Variants in DCC observed in about 807,000 individuals in gnomAD.
DCC encodes the protein netrin receptor DCC.
A neutral mutation model predicts 172.5 loss-of-function variants in DCC; 58 were observed. The observed-to-expected ratio is 0.34, with a 90% CI of 0.27 to 0.42. The LOEUF is 0.42. Ranked by LOEUF, DCC falls within the 10% of genes least tolerant of loss-of-function variation. The probability of loss-of-function intolerance (pLI) is 1.00; values close to 1 mark genes in which losing one functional copy is unlikely to be tolerated. For synonymous variants in DCC, 709 were observed against 644.5 expected (o/e 1.10, Z -1.52); for missense variants, 1,740 against 1,791.0 (o/e 0.97, Z 0.51).
chr18:52,526,453 A>G (rs868275099), intron 1 of DCC, among the ~76,000 whole-genome samples: 10 of 152,210 alleles, frequency 6.6e-5, no homozygotes, highest in Middle Eastern at 3.4e-3. Flanking sequence ...TTGGTAAACA[A>G]CAATTCAGAA....
At chr18:52,388,179 G>A (rs1351772381) in intron 1 of DCC, among the ~76,000 whole-genome samples, 1 of 152,022 alleles carries the variant, frequency 6.6e-6, no homozygotes, top group African/African-American at 2.4e-5. Context: ...CTTCATGTTA[G>A]GTGTGACGTT....
intron 1 of DCC, among the ~76,000 whole-genome samples, chr18:52,542,602 G>A (rs779680274): frequency 3.9e-5 from 6 of 152,148 alleles, no homozygotes; most frequent in African/African-American, 1.2e-4. Flanking sequence ...TTGGAAGGCC[G>A]AGGTGGGCAG....
At position 53,499,065 on chromosome 18, in the gene DCC, T is replaced by C. The variant is rs540752875; in HGVS notation, c.3899-233T>C. ...AGTGCTCAATATATTTTACTATTCT[T>C]TCTCAAAGATAAATTCCTGTCCTGC... On this transcript the variant is annotated intron_variant, in intron 26 of 28. Transcript: ENST00000442544. Among the ~76,000 whole-genome samples the C allele has an allele frequency of 7.2e-5, 11 of 152,306 alleles. No homozygotes were observed. The East Asian group carries it at 1.9e-3, about 27-fold the overall frequency.
At chr18:52,717,197 T>G (rs148419204) in intron 1 of DCC, among the ~76,000 whole-genome samples, 25 of 152,236 alleles carry the variant, frequency 1.6e-4, no homozygotes, top group African/African-American at 5.1e-4. Context: ...TCCACAACCT[T>G]TGGTGCAGAG....
intron 7 of DCC, among the ~76,000 whole-genome samples, chr18:53,077,181 C>T (rs1371489162): frequency 6.6e-5 from 10 of 151,956 alleles, no homozygotes; most frequent in Non-Finnish European, 1.5e-5. Context: ...GCCAATCAGC[C>T]AAGCTATTTG....
At chr18:52,507,423 A>G (rs2031272972) in intron 1 of DCC, among the ~76,000 whole-genome samples, 4 of 152,230 alleles carry the variant, frequency 2.6e-5, no homozygotes, top group African/African-American at 9.6e-5. Flanking sequence ...AAGCATTTGC[A>G]TTCTTAATAT....
intron 12 of DCC, among the ~76,000 whole-genome samples, chr18:53,295,761 G>A (rs1276785035): frequency 2.0e-5 from 3 of 152,042 alleles, no homozygotes; most frequent in Non-Finnish European, 4.4e-5. Context: ...TTTGGAAAGT[G>A]GATTATTTTT....
At chr18:52,409,914 A>T (rs550947491) in intron 1 of DCC, among the ~76,000 whole-genome samples, 6 of 152,170 alleles carry the variant, frequency 3.9e-5, no homozygotes, top group African/African-American at 1.4e-4. Flanking sequence ...AGAATCTAAG[A>T]CGTGTCACTG....
intron 1 of DCC, among the ~76,000 whole-genome samples, chr18:52,518,988 A>G (rs1568209617): frequency 6.6e-6 from 1 of 152,234 alleles, no homozygotes; most frequent in Non-Finnish European, 1.5e-5. Flanking sequence ...ATGTCCTCTG[A>G]GTTGAAACAG....
intron 1 of DCC, among the ~76,000 whole-genome samples, chr18:52,621,258 G>C (rs756598512): frequency 6.6e-6 from 1 of 152,212 alleles, no homozygotes; most frequent in Non-Finnish European, 1.5e-5. Flanking sequence ...GGAATGTTCT[G>C]TAGAAATAGA....
intron 5 of DCC, among the ~76,000 whole-genome samples, chr18:53,045,833 A>G (rs1188799095): frequency 6.6e-6 from 1 of 151,910 alleles, no homozygotes; most frequent in African/African-American, 2.4e-5. Flanking sequence ...AATTACCACT[A>G]TGAATTACAC....
intron 1 of DCC, among the ~76,000 whole-genome samples, chr18:52,597,352 A>G (rs1193694966): frequency 6.6e-6 from 1 of 152,176 alleles, no homozygotes. Context: ...GATTTCCACT[A>G]GCCTGCCCAA....
At chr18:53,510,749 G>A (rs1307533794) in intron 27 of DCC, among the ~76,000 whole-genome samples, 1 of 152,076 alleles carries the variant, frequency 6.6e-6, no homozygotes, top group African/African-American at 2.4e-5. Flanking sequence ...AGTCTAGCTG[G>A]GATCAACATA....
intron 8 of DCC, among the ~76,000 whole-genome samples, chr18:53,168,689 T>C (rs1371122776): frequency 6.6e-6 from 1 of 152,022 alleles, no homozygotes; most frequent in Non-Finnish European, 1.5e-5. Context: ...CTACACGTTC[T>C]GCACATGTAT....
At position 53,126,983 on chromosome 18, in the gene DCC, C is replaced by A. The variant is rs1165149229; in HGVS notation, c.1262-30373C>A. ...AGGACACAAGAGAGAAAGATAAGTT[C>A]TTCGAGGCTTTCCAGGAGCCAAAGT... is the stretch of plus-strand genomic sequence containing the variant. On this transcript the variant is annotated intron_variant, in intron 7 of 28. Coordinates refer to ENST00000442544, the MANE Select transcript of DCC (RefSeq NM_005215.4). Among the ~76,000 whole-genome samples, 3 of 152,068 alleles carry A rather than the reference C, an allele frequency of 2.0e-5. No homozygotes were observed. In the East Asian group the frequency reaches 5.8e-4, roughly 29 times the overall value.
intron 12 of DCC, among the ~76,000 whole-genome samples, chr18:53,256,810 C>T (rs1481912770): frequency 6.6e-6 from 1 of 152,142 alleles, no homozygotes; most frequent in Non-Finnish European, 1.5e-5. Context: ...GGCAGTATGG[C>T]CATTTTTACA....
Position 52,994,974 on chromosome 18 carries a change from T to G in DCC, c.986-68331T>G, listed in dbSNP as rs994351891. 5.9e-5 allele frequency among the ~76,000 whole-genome samples: 9 copies of G among 152,162 alleles called. No individual in the cohort carries two copies. In the East Asian group the frequency reaches 1.7e-3, roughly 29 times the overall value. On this transcript the variant is annotated intron_variant, in intron 5 of 28. Transcript: ENST00000442544. ...CAAATACTAACTTCTCTAACAAACA[T>G]AATCCTCAATTGTATTTTAAAGAAA...
chr18:52,603,399 T>G (rs1362998794), intron 1 of DCC, among the ~76,000 whole-genome samples: 1 of 151,864 alleles, frequency 6.6e-6, no homozygotes, highest in Non-Finnish European at 1.5e-5. Context: ...AGCTCTAAAA[T>G]TTTGTAGATG....
At chr18:53,116,022 T>A (rs751946924) in intron 7 of DCC, among the ~76,000 whole-genome samples, 4 of 151,478 alleles carry the variant, frequency 2.6e-5, no homozygotes, top group Non-Finnish European at 5.9e-5. Context: ...AATTTATGGG[T>A]CTGCCAAATC....
Sources: allele counts gnomAD v4.1 joint callset (sites outside exome capture counted in the v4.1 genomes callset), GRCh38; gene constraint gnomAD v4.1.1; transcripts MANE v1.5; gene names NCBI Gene and HGNC (gene_info 2026-07-23, HGNC 2026-07-21).